Variants in TNK1 observed in about 807,000 individuals in gnomAD.
TNK1 encodes the protein non-receptor tyrosine-protein kinase TNK1.
In TNK1, 53 loss-of-function variants were observed where a neutral mutation model predicts 65.2. The observed-to-expected ratio is 0.81, with a 90% CI of 0.65 to 1.02. TNK1 has a LOEUF of 1.02. Among genes scored for constraint, TNK1 ranks in the 50% least tolerant of loss-of-function variants. The probability of loss-of-function intolerance (pLI) is 0.00; values close to 1 mark genes in which losing one functional copy is unlikely to be tolerated. For synonymous variants in TNK1, 353 were observed against 364.6 expected (o/e 0.97, Z 0.36); for missense variants, 837 against 878.4 (o/e 0.95, Z 0.60).
chr17:7,383,395 T>C (rs765050642), intron 3 of TNK1, 30 bp from the exon 4 acceptor site: 3 of 1,613,964 alleles, frequency 1.9e-6, no homozygotes, highest in Non-Finnish European at 1.7e-6. Flanking sequence ...CGCAGGGCTC[T>C]GCATACCGGA....
chr17:7,382,908 AG>A lies in TNK1; in HGVS notation c.-17del, dbSNP rs761929004. 2 of 1,613,202 alleles carry A rather than the reference AG, an allele frequency of 1.2e-6. No homozygotes were observed. The highest frequency in any genetic ancestry group is 1.7e-6 in the Non-Finnish European group (2 of 1,179,426). On this transcript the variant is annotated 5_prime_UTR_variant, in exon 2 of 13. Coordinates refer to ENST00000688331, the MANE Select transcript of TNK1 (RefSeq NM_003985.6). The surrounding 1 kb of genome is among the most constrained non-coding windows in gnomAD (Gnocchi z 4.1). ...TCTGAAGGAGAGTGCCATCATCCTT[AG>A]GAACTCCTTCTCCAGACATGCTTCC...
rs1905299493 is a variant in TNK1, at chr17:7,388,183, T to C, written c.1478-223T>C. 6.6e-6 allele frequency among the ~76,000 whole-genome samples: 1 copy of C among 152,176 alleles called. No individual in the cohort carries two copies. Among genetic ancestry groups the C allele is most frequent in the African/African-American group, 2.4e-5 (1 of 41,438 alleles). On this transcript the variant is annotated intron_variant, in intron 10 of 12. Coordinates refer to ENST00000688331, the MANE Select transcript of TNK1 (RefSeq NM_003985.6). The surrounding 1 kb of genome is among the most constrained non-coding windows in gnomAD (Gnocchi z 4.5). ...GCTCAAGCCTGTAATCCCAGCACTT[T>C]GGGAGCCCAGCGTGGGTGGATGGCT...
intron 9 of TNK1, 39 bp from the exon 10 acceptor site, chr17:7,387,339 G>A (rs745567602): frequency 1.3e-6 from 2 of 1,576,418 alleles, no homozygotes; most frequent in Non-Finnish European, 8.6e-7. Flanking sequence ...GGGGTGGGGA[G>A]AGTTGGTGTG....
chr17:7,384,709 T>A lies in TNK1; in HGVS notation c.1092T>A (p.Pro364=), dbSNP rs2143119675. The change falls in exon 7 of 13, where the codon CCT becomes CCA. Residue 364 remains proline, a synonymous_variant. Transcript: ENST00000688331. The stretch of plus-strand genomic sequence containing the variant: ...CCTTGCGCTGCTGGGCCCCCCACCC[T>A]GCCGACCGGCCTAGCTTTTCCCACC... ...SLALRCWAPH[P]ADRPSFSHLE... 1 of 1,589,358 alleles carries A rather than the reference T, an allele frequency of 6.3e-7. No homozygotes were observed. Among genetic ancestry groups the A allele is most frequent in the Admixed American group, 1.7e-5 (1 of 57,904 alleles).
rs778933214 is a variant in TNK1 at position 7,383,503 on chromosome 17, G to A, written c.313G>A (p.Gly105Arg). ...DSPRHLPEPE[G>R]GLKCLIPEGA... is the part of the protein sequence containing the mutation. ...CCCACGGCACCTCCCTGAGCCAGAG[G>A]GGGGCCTCAAGTGTCTGATCCCAGA... Residue 105 changes from glycine to arginine, a missense_variant, in exon 4 of 13, where the codon GGG (glycine) becomes AGG (arginine). Gly to Arg is a moderately radical substitution (Grantham distance 125). Transcript: ENST00000688331. 2 of 1,613,882 alleles carry A rather than the reference G, an allele frequency of 1.2e-6. No homozygotes were observed. The highest frequency in any genetic ancestry group is 2.2e-5 in the South Asian group (2 of 91,076).
In TNK1 at chr17:7,382,765, G is replaced by T; in HGVS notation, c.-91-71G>T. The T allele has an allele frequency of 1.4e-6, 1 of 728,708 alleles. No homozygotes were observed. The highest frequency in any genetic ancestry group is 2.2e-6 in the Non-Finnish European group (1 of 453,270). 45.1% of individuals were successfully genotyped at this position (728,708 alleles called of 1,614,324 possible). ...CATTCTATCTGGGATTTGTGTGCGT[G>T]AGTGGCAGGGATCCTGGCTGTCTCT... On this transcript the variant is annotated intron_variant, in intron 1 of 12. Transcript: ENST00000688331. The surrounding 1 kb of genome is among the most constrained non-coding windows in gnomAD (Gnocchi z 4.1).
Position 7,382,836 on chromosome 17 carries a change from G to A in TNK1, c.-91G>A. On this transcript the variant is annotated splice_region_variant and 5_prime_UTR_variant, in exon 2 of 13. It adds an upstream start codon to the 5' untranslated region. Coordinates refer to ENST00000688331, the MANE Select transcript of TNK1 (RefSeq NM_003985.6). This position sits in a 1 kb window ranked among gnomAD's most constrained non-coding sequence, Gnocchi z 4.1. ...CCTGAGTGTTTCTAATGACTTGCAG[G>A]TGGAGCTGGAGACCTGGTCTCTCTA... The A allele has an allele frequency of 7.1e-7, 1 of 1,403,872 alleles. No individual in the cohort carries two copies. Among genetic ancestry groups the A allele is most frequent in the African/African-American group, 1.4e-5 (1 of 70,208 alleles). 87.0% of individuals were successfully genotyped at this position (1,403,872 alleles called of 1,614,324 possible).
intron 10 of TNK1, 125 bp downstream of exon 10, chr17:7,387,582 C>G: frequency 1.3e-6 from 1 of 761,952 alleles, no homozygotes; most frequent in South Asian, 2.0e-5. Flanking sequence ...CTGCTGGCAT[C>G]CTAGCTATAC....
rs945472823 is a variant in TNK1, at chr17:7,382,103, T to C, written c.-91-733T>C. 2.0e-5 allele frequency among the ~76,000 whole-genome samples: 3 copies of C among 152,010 alleles called. No individual in the cohort carries two copies. The highest frequency in any genetic ancestry group is 7.3e-5 in the African/African-American group (3 of 41,360). Reference sequence around the variant, plus strand: ...CAATATGGTGAAACCCCATCTCTACTAAAAATACAAAAAATAGCCGGGCAT... The same window carrying C: ...CAATATGGTGAAACCCCATCTCTACCAAAAATACAAAAAATAGCCGGGCAT... On this transcript the variant is annotated intron_variant, in intron 1 of 12. Coordinates refer to ENST00000688331, the MANE Select transcript of TNK1 (RefSeq NM_003985.6). This position sits in a 1 kb window ranked among gnomAD's most constrained non-coding sequence, Gnocchi z 4.1.
rs530986187 is a variant in TNK1, at chr17:7,389,135, G to C, written c.*51G>C. 79 of 1,453,348 alleles carry C rather than the reference G, an allele frequency of 5.4e-5. No individual in the cohort carries two copies. The highest frequency in any genetic ancestry group is 7.9e-5 in the Admixed American group (4 of 50,584). 90.0% of individuals were successfully genotyped at this position (1,453,348 alleles called of 1,614,324 possible). ...CAGCATGAAAAGCCTAGGCCCCTGA[G>C]GGCCTGGCCACATGGGACCAAGCGG... On this transcript the variant is annotated 3_prime_UTR_variant, in exon 13 of 13. Transcript: ENST00000688331.
intron 7 of TNK1, 134 bp from the exon 8 acceptor site, chr17:7,386,427 G>C (rs951517266): frequency 1.5e-6 from 1 of 651,214 alleles, no homozygotes; most frequent in East Asian, 2.8e-5. Flanking sequence ...AATTACAATG[G>C]GGGGACAGGG....
chr17:7,384,014 G>T lies in TNK1; in HGVS notation c.627G>T (p.Thr209=). 2 of 1,498,974 alleles carry T rather than the reference G, an allele frequency of 1.3e-6. No homozygotes were observed. The highest frequency in any genetic ancestry group is 1.8e-6 in the Non-Finnish European group (2 of 1,128,260). The allele number at this position is 1,498,974 out of a possible 1,614,324, so 92.9% of individuals were successfully genotyped here. The change falls in exon 6 of 13, where the codon ACG becomes ACT. Residue 209 remains threonine (T), a synonymous_variant. Transcript: ENST00000688331. ...TGGGCTCCCTGCACGCGCGCCTAAC[G>T]GCCCCGGCCCCGACACCCCCGCTGC... ...APLGSLHARL[T]APAPTPPLLV...
intron 7 of TNK1, among the ~76,000 whole-genome samples, chr17:7,385,512 G>A (rs1033594959): frequency 6.6e-6 from 1 of 152,092 alleles, no homozygotes; most frequent in East Asian, 1.9e-4. Flanking sequence ...TTACATGGGC[G>A]CTTATGCAGA....
In TNK1 at chr17:7,387,401, G is replaced by A; in HGVS notation, c.1421G>A (p.Trp474Ter). 2 of 1,606,060 alleles carry A rather than the reference G, an allele frequency of 1.2e-6. No individual in the cohort carries two copies. Among genetic ancestry groups the A allele is most frequent in the South Asian group, 1.1e-5 (1 of 89,210 alleles). Residue 474 changes from tryptophan to a stop codon, truncating the protein, a stop_gained, in exon 10 of 13, where the codon TGG (tryptophan) becomes TAG (stop). Coordinates refer to ENST00000688331, the MANE Select transcript of TNK1 (RefSeq NM_003985.6). LOFTEE classifies it high-confidence loss of function. ...IDGDRKKANL[W>*]DAPPARGQRR... ...AGAGACAGAAAGAAGGCAAATCTTT[G>A]GGATGCGCCCCCAGCACGGGGCCAG...
At chr17:7,385,263 G>T (rs1405796414) in intron 7 of TNK1, among the ~76,000 whole-genome samples, 1 of 151,786 alleles carries the variant, frequency 6.6e-6, no homozygotes, top group Non-Finnish European at 1.5e-5. Flanking sequence ...TACTCGGGAG[G>T]CTGAGGCAGG....
rs1905364910 is a variant in TNK1 at position 7,388,705 on chromosome 17, G to A, written c.1776+1G>A. On this transcript the variant is annotated splice_donor_variant, in intron 11 of 12. Transcript: ENST00000688331. LOFTEE classifies it high-confidence loss of function. The surrounding 1 kb of genome is among the most constrained non-coding windows in gnomAD (Gnocchi z 4.5). Reference sequence around the variant, plus strand: ...TGAGTTGCAGAGGAAGATTATGGAGGTGAGGTCTCACTGAAATGGCCTGGT... The same window carrying A: ...TGAGTTGCAGAGGAAGATTATGGAGATGAGGTCTCACTGAAATGGCCTGGT... 1 of 1,612,122 alleles carries A rather than the reference G, an allele frequency of 6.2e-7. No individual in the cohort carries two copies. The highest frequency in any genetic ancestry group is 8.5e-7 in the Non-Finnish European group (1 of 1,178,812).
Position 7,382,482 on chromosome 17 carries a change from A to C in TNK1, c.-91-354A>C, listed in dbSNP as rs1326857529. On this transcript the variant is annotated intron_variant, in intron 1 of 12. Coordinates refer to ENST00000688331, the MANE Select transcript of TNK1 (RefSeq NM_003985.6). This position sits in a 1 kb window ranked among gnomAD's most constrained non-coding sequence, Gnocchi z 4.1. The stretch of plus-strand genomic sequence containing the variant: ...AACATGTCTCATGTTGGAGGAAGGG[A>C]GATGTCTCATGTTGGAGGAAGGGAG... Among the ~76,000 whole-genome samples, 2 of 151,934 alleles carry C rather than the reference A, an allele frequency of 1.3e-5. No individual in the cohort carries two copies. Among genetic ancestry groups the C allele is most frequent in the Non-Finnish European group, 2.9e-5 (2 of 67,970 alleles).
rs1193086718 is a variant in TNK1 at position 7,383,852 on chromosome 17, G to A, written c.570G>A (p.Gln190=). The change falls in exon 5 of 13, where the codon CAG becomes CAA. Residue 190 remains glutamine (Q), a synonymous_variant. Transcript: ENST00000688331. ...GTCTGCACGGCCTTGTACTGGGCCA[G>A]CCTCTGCAGATGGTGAGCAGATCCA... ...VLRLHGLVLG[Q]PLQMVMELAP... 1.9e-6 allele frequency: 3 copies of A among 1,610,400 alleles called. No homozygotes were observed. In the South Asian group the frequency reaches 3.3e-5, roughly 18 times the overall value.
chr17:7,383,942 T>G, intron 5 of TNK1, 28 bp from the exon 6 acceptor site: 1 of 1,529,418 alleles, frequency 6.5e-7, no homozygotes. Context: ...TGGGTCCGGC[T>G]CACGCGGCGC....
Sources: allele counts gnomAD v4.1 joint callset (sites outside exome capture counted in the v4.1 genomes callset), GRCh38; gene constraint gnomAD v4.1.1; non-coding constraint Gnocchi (gnomAD v3.1); transcripts MANE v1.5; gene names NCBI Gene and HGNC (gene_info 2026-07-23, HGNC 2026-07-21).